The following CFAP57 variants were observed in gnomAD, a reference collection of about 807,000 sequenced individuals.
CFAP57 encodes cilia and flagella associated protein 57, also known as cilia- and flagella-associated protein 57.
Under a neutral mutation model 146.8 loss-of-function variants are expected in CFAP57, and 116 were observed. That is an observed-to-expected ratio of 0.79 (90% CI 0.68 to 0.92). The LOEUF (loss-of-function observed/expected upper bound fraction) is 0.92, where lower values mean the gene tolerates loss of function less well. CFAP57 is among the 40% of genes least tolerant of loss of function. CFAP57 has a pLI of 0.00. For missense variants in CFAP57, 1,377 were observed against 1,527.2 expected (o/e 0.90, Z 1.64); for synonymous variants, 518 against 552.8 (o/e 0.94, Z 0.88).
intron 1 of CFAP57, 131 bp downstream of exon 1, chr1:43,172,584 A>C: frequency 2.2e-6 from 1 of 458,556 alleles, no homozygotes; most frequent in Non-Finnish European, 3.6e-6. Context: ...AAGGGGAGGG[A>C]CAAGGGGAGG....
chr1:43,206,785 G>A lies in CFAP57; in HGVS notation c.1608G>A (p.Val536=), dbSNP rs767398582. 1.2e-6 allele frequency: 2 copies of A among 1,614,170 alleles called. No homozygotes were observed. Among genetic ancestry groups the A allele is most frequent in the Admixed American group, 3.3e-5 (2 of 60,024 alleles). ...TTTCTGGTGGCACAGATGGTGCTGTGTATGAATGGAATCTGTCCACAGGAA... is the reference window on the plus strand; with the variant it reads ...TTTCTGGTGGCACAGATGGTGCTGTATATGAATGGAATCTGTCCACAGGAA... ...KLISGGTDGA[V]YEWNLSTGKR... is the part of the protein sequence containing the mutation. The change falls in exon 10 of 23, where the codon GTG becomes GTA. Residue 536 remains valine, a synonymous_variant. Coordinates refer to ENST00000372492, the MANE Select transcript of CFAP57 (RefSeq NM_001378189.1).
chr1:43,251,976 A>G (rs1318385530), intron 22 of CFAP57, among the ~76,000 whole-genome samples: 1 of 152,256 alleles, frequency 6.6e-6, no homozygotes, highest in African/African-American at 2.4e-5. Flanking sequence ...ATTGAATGGA[A>G]TGTAGAATAA....
rs771667918 is a variant in CFAP57, at chr1:43,254,188, C to T, written c.3750C>T (p.Asn1250=). ...AGGTAGACTTAGAGGTGAAGACCAACTGACCCCCTCTGGTGAGCCATCTCC... is the reference window on the plus strand; with the variant it reads ...AGGTAGACTTAGAGGTGAAGACCAATTGACCCCCTCTGGTGAGCCATCTCC... ...NSEVDLEVKT[N] is the part of the protein sequence containing the mutation. The change falls in exon 23 of 23, where the codon AAC becomes AAT. Residue 1250 remains asparagine, a synonymous_variant. Transcript: ENST00000372492. 1.0e-5 allele frequency: 16 copies of T among 1,546,080 alleles called. No homozygotes were observed. Among genetic ancestry groups the T allele is most frequent in the South Asian group, 7.2e-5 (6 of 83,752 alleles).
At chr1:43,180,271 A>G (rs374272977) in intron 2 of CFAP57, among the ~76,000 whole-genome samples, 21 of 148,924 alleles carry the variant, frequency 1.4e-4, no homozygotes, top group African/African-American at 4.7e-4. Context: ...TTATTTAAAA[A>G]TATATGCAGT....
chr1:43,236,251 G>A (rs575365053), intron 21 of CFAP57, among the ~76,000 whole-genome samples: 11 of 152,192 alleles, frequency 7.2e-5, no homozygotes, highest in Admixed American at 1.3e-4. Flanking sequence ...AGGGGCCCAG[G>A]GTGGGGGGTG....
intron 10 of CFAP57, among the ~76,000 whole-genome samples, chr1:43,208,253 G>A (rs1421602668): frequency 2.0e-5 from 3 of 152,170 alleles, no homozygotes; most frequent in Non-Finnish European, 4.4e-5. Flanking sequence ...GATTCCTCAA[G>A]GATCTAGAAC....
intron 2 of CFAP57, among the ~76,000 whole-genome samples, chr1:43,174,221 T>G (rs1407033466): frequency 6.6e-6 from 1 of 152,232 alleles, no homozygotes; most frequent in Admixed American, 6.5e-5. Context: ...TGGGGCATTT[T>G]TCTCCCATCT....
At chr1:43,193,218 T>G (rs1431058221) in intron 6 of CFAP57, among the ~76,000 whole-genome samples, 1 of 152,194 alleles carries the variant, frequency 6.6e-6, no homozygotes, top group Non-Finnish European at 1.5e-5. Flanking sequence ...TGGTATATCT[T>G]TTTTCATCCT....
At chr1:43,248,863 T>C (rs1646218449) in intron 22 of CFAP57, among the ~76,000 whole-genome samples, 1 of 136,500 alleles carries the variant, frequency 7.3e-6, no homozygotes, top group Admixed American at 8.0e-5. Context: ...AGAAACATAT[T>C]TCTCCATATC....
At chr1:43,223,057 G>A (rs1645109900) in intron 16 of CFAP57, 60 bp downstream of exon 16, 3 of 1,492,336 alleles carry the variant, frequency 2.0e-6, no homozygotes, top group African/African-American at 1.4e-5. Context: ...GAAAGCTGGG[G>A]TGGGTGGACT....
chr1:43,185,115 C>T (rs370671943), intron 4 of CFAP57, 34 bp from the exon 5 acceptor site: 68 of 1,608,446 alleles, frequency 4.2e-5, no homozygotes, highest in Non-Finnish European at 5.4e-5. Context: ...AAGATTGTCT[C>T]TATAAATTAT....
intron 18 of CFAP57, among the ~76,000 whole-genome samples, chr1:43,227,715 C>T (rs11811976): frequency 6.6e-6 from 1 of 152,096 alleles, no homozygotes; most frequent in African/African-American, 2.4e-5. Flanking sequence ...CCATGCCCCC[C>T]ACCACACGCC....
At chr1:43,195,401 A>C (rs1209628484) in intron 6 of CFAP57, among the ~76,000 whole-genome samples, 2 of 152,188 alleles carry the variant, frequency 1.3e-5, no homozygotes, top group East Asian at 3.9e-4. Flanking sequence ...ATGTGCCTGC[A>C]GTCCCAGCTA....
intron 11 of CFAP57, chr1:43,210,343 A>ATTG: frequency 7.3e-7 from 1 of 1,366,496 alleles, no homozygotes; most frequent in East Asian, 2.8e-5. Context: ...TACCATGAGT[A>ATTG]CACATTTGTA....
At position 43,181,735 on chromosome 1, in the gene CFAP57, A is replaced by G; in HGVS notation, c.359A>G (p.Lys120Arg). 6.2e-7 allele frequency: 1 copy of G among 1,614,142 alleles called. No individual in the cohort carries two copies. The highest frequency in any genetic ancestry group is 8.5e-7 in the Non-Finnish European group (1 of 1,180,026). Residue 120 changes from lysine to arginine, a missense_variant, in exon 3 of 23, where the codon AAA (lysine) becomes AGA (arginine). Coordinates refer to ENST00000372492, the MANE Select transcript of CFAP57 (RefSeq NM_001378189.1). ...FISMAFSPDS[K>R]YLLAQTSPPE... Reference sequence around the variant, plus strand: ...AGCATGGCTTTTTCTCCAGACTCCAAATACCTATTGGCTCAGACGTCACCT... The same window carrying G: ...AGCATGGCTTTTTCTCCAGACTCCAGATACCTATTGGCTCAGACGTCACCT...
At chr1:43,188,321 A>G (rs1450137274) in intron 6 of CFAP57, among the ~76,000 whole-genome samples, 3 of 152,170 alleles carry the variant, frequency 2.0e-5, no homozygotes, top group African/African-American at 7.2e-5. Context: ...GCTGAGTCAT[A>G]TGGTAACTTC....
chr1:43,232,486 T>C (rs1645512243), intron 18 of CFAP57, 22 bp from the exon 19 acceptor site: 2 of 1,539,220 alleles, frequency 1.3e-6, no homozygotes, highest in Non-Finnish European at 1.8e-6. Flanking sequence ...TCTTCTTGAC[T>C]CTTTTCCCTT....
At position 43,183,801 on chromosome 1, in the gene CFAP57, C is replaced by A; in HGVS notation, c.685C>A (p.Arg229Ser). The change falls in exon 4 of 23, where the codon CGT (arginine) becomes AGT (serine). Residue 229 changes from arginine (R) to serine (S), a missense_variant. Transcript: ENST00000372492. Reference protein sequence around the residue: ...KLFLFESGDQRWETSIMVKEP... With the variant: ...KLFLFESGDQSWETSIMVKEP... ...CTTCCTCTTTGAATCTGGAGATCAG[C>A]GTTGGGAGACCAGCATAATGGTCAA... 2 of 1,614,184 alleles carry A rather than the reference C, an allele frequency of 1.2e-6. No homozygotes were observed. Among genetic ancestry groups the A allele is most frequent in the Non-Finnish European group, 1.7e-6 (2 of 1,180,030 alleles).
Position 43,186,772 on chromosome 1 carries a change from C to CTGA in CFAP57, c.1036_1037insGAT (p.Cys345_Phe346insTer). 6.2e-7 allele frequency: 1 copy of CTGA among 1,614,170 alleles called. No individual in the cohort carries two copies. On this transcript the variant is annotated stop_gained and inframe_insertion, in exon 6 of 23. Coordinates refer to ENST00000372492, the MANE Select transcript of CFAP57 (RefSeq NM_001378189.1). LOFTEE classifies it high-confidence loss of function. ...ACAAACAGGACGTTCTCTGCCTGTG[C>CTGA]TTCAGCCCCTCAGAGGAAACTCTGG...
Sources: gnomAD v4.1 joint callset for allele counts (sites outside exome capture counted in the v4.1 genomes callset) on GRCh38, gnomAD v4.1.1 for gene constraint, MANE v1.5 for transcripts, NCBI Gene and HGNC (gene_info 2026-07-23, HGNC 2026-07-21) for gene names.